Variants in MDGA2 observed in about 807,000 individuals in gnomAD.
MDGA2 encodes the protein MAM domain-containing glycosylphosphatidylinositol anchor protein 2.
In MDGA2, 40 loss-of-function variants were observed where a neutral mutation model predicts 117.8. That is an observed-to-expected ratio of 0.34 (90% CI 0.26 to 0.44). MDGA2 has a LOEUF of 0.44. Among genes scored for constraint, MDGA2 ranks in the 20% least tolerant of loss-of-function variants. MDGA2 has a pLI of 1.00. For missense variants in MDGA2, 1,123 were observed against 1,250.6 expected (o/e 0.90, Z 1.54); for synonymous variants, 452 against 439.0 (o/e 1.03, Z -0.37).
At chr14:47,511,931 G>C (rs1206992790) in intron 1 of MDGA2, among the ~76,000 whole-genome samples, 1 of 151,974 alleles carries the variant, frequency 6.6e-6, no homozygotes, top group Non-Finnish European at 1.5e-5. Context: ...ACAGGGGTTT[G>C]TGTGTGTGTG....
At chr14:47,496,663 T>C (rs573463214) in intron 1 of MDGA2, among the ~76,000 whole-genome samples, 2 of 151,812 alleles carry the variant, frequency 1.3e-5, no homozygotes, top group Admixed American at 1.3e-4. Context: ...GAATTAGAGA[T>C]TAAGTATGCT....
At chr14:47,203,406 GGTGC>G (rs1233953821) in intron 3 of MDGA2, among the ~76,000 whole-genome samples, 1 of 151,760 alleles carries the variant, frequency 6.6e-6, no homozygotes, top group Non-Finnish European at 1.5e-5. Context: ...AGGGATGAAT[GGTGC>G]CAGGAAGACA....
intron 2 of MDGA2, among the ~76,000 whole-genome samples, chr14:47,278,700 G>A (rs1888381853): frequency 6.6e-6 from 1 of 152,068 alleles, no homozygotes; most frequent in African/African-American, 2.4e-5. Context: ...TTTAAGGTAT[G>A]GAATAGATAA....
At chr14:47,371,992 TA>T in intron 1 of MDGA2, among the ~76,000 whole-genome samples, 1 of 151,928 alleles carries the variant, frequency 6.6e-6, no homozygotes, top group Admixed American at 6.6e-5. Context: ...AATTTCATTT[TA>T]TAAAATACTC....
intron 1 of MDGA2, among the ~76,000 whole-genome samples, chr14:47,564,231 T>C (rs751489121): frequency 1.3e-5 from 2 of 152,162 alleles, no homozygotes; most frequent in Non-Finnish European, 2.9e-5. Flanking sequence ...CTATATGTCT[T>C]GGGGATGGTC....
intron 1 of MDGA2, among the ~76,000 whole-genome samples, chr14:47,546,154 G>T (rs1895458655): frequency 6.6e-6 from 1 of 152,032 alleles, no homozygotes; most frequent in South Asian, 2.1e-4. Flanking sequence ...CAGATGGGGA[G>T]AAAAATACTT....
At chr14:47,146,741 A>G (rs1282866688) in intron 3 of MDGA2, among the ~76,000 whole-genome samples, 1 of 152,212 alleles carries the variant, frequency 6.6e-6, no homozygotes, top group Admixed American at 6.5e-5. Flanking sequence ...CTCAGGAACA[A>G]AACAGAATTT....
chr14:47,485,149 G>C (rs1488031260), intron 1 of MDGA2, among the ~76,000 whole-genome samples: 3 of 152,128 alleles, frequency 2.0e-5, no homozygotes, highest in Non-Finnish European at 2.9e-5. Flanking sequence ...CCAGAGACTT[G>C]TTGAATGGCT....
rs901921779 is a variant in MDGA2 at position 47,061,301 on chromosome 14, C to T, written c.1473G>A (p.Lys491=). ...TACTGATATCAGATATTCCTCCTCC[C>T]TTCAGAGATGCTACACATGTGTACG... ...FGTYTCVASL[K]GGGISDISID... The change falls in exon 7 of 17, where the codon AAG becomes AAA. Residue 491 remains lysine (K), a synonymous_variant. Coordinates refer to ENST00000399232, the MANE Select transcript of MDGA2 (RefSeq NM_001113498.3). The T allele has an allele frequency of 5.3e-5, 85 of 1,613,368 alleles. No homozygotes were observed. The highest frequency in any genetic ancestry group is 7.1e-5 in the Non-Finnish European group (84 of 1,179,618).
At chr14:47,211,839 T>A (rs931086927) in intron 3 of MDGA2, among the ~76,000 whole-genome samples, 19 of 152,216 alleles carry the variant, frequency 1.2e-4, no homozygotes, top group Non-Finnish European at 1.9e-4. Flanking sequence ...ATTTTCAGGG[T>A]CATTAGCATA....
chr14:46,910,687 A>G (rs1359568105), intron 10 of MDGA2, among the ~76,000 whole-genome samples: 1 of 152,202 alleles, frequency 6.6e-6, no homozygotes, highest in Non-Finnish European at 1.5e-5. Flanking sequence ...GAAGGAAGTC[A>G]AACTGTCAGA....
At chr14:47,622,027 T>C (rs547946881) in intron 1 of MDGA2, among the ~76,000 whole-genome samples, 54 of 152,336 alleles carry the variant, frequency 3.5e-4, no homozygotes, top group Non-Finnish European at 6.8e-4. Context: ...ACATAGTAAG[T>C]ATTAAATTCA....
chr14:47,060,622 C>A (rs1889848135), intron 7 of MDGA2, among the ~76,000 whole-genome samples: 1 of 152,012 alleles, frequency 6.6e-6, no homozygotes, highest in Non-Finnish European at 1.5e-5. Context: ...AACAGATGTA[C>A]ATTTAATCAA....
Position 47,595,057 on chromosome 14 carries a change from C to T in MDGA2, c.280+79460G>A, listed in dbSNP as rs547355713. 3.9e-5 allele frequency among the ~76,000 whole-genome samples: 6 copies of T among 152,192 alleles called. No homozygotes were observed. The East Asian group carries it at 9.7e-4, about 25-fold the overall frequency. On this transcript the variant is annotated intron_variant, in intron 1 of 16. Coordinates refer to ENST00000399232, the MANE Select transcript of MDGA2 (RefSeq NM_001113498.3). Reference sequence around the variant, plus strand: ...AAACATTTTTTTCACAAATCCCAGACTGATATACACGTGCTTATCTAGAAC... The same window carrying T: ...AAACATTTTTTTCACAAATCCCAGATTGATATACACGTGCTTATCTAGAAC...
At chr14:47,462,818 T>C (rs942341333) in intron 1 of MDGA2, among the ~76,000 whole-genome samples, 1 of 152,252 alleles carries the variant, frequency 6.6e-6, no homozygotes, top group African/African-American at 2.4e-5. Flanking sequence ...TAAATAATTA[T>C]TTGGACTTCT....
chr14:47,664,816 C>T (rs759686646), intron 1 of MDGA2, among the ~76,000 whole-genome samples: 3 of 152,170 alleles, frequency 2.0e-5, no homozygotes, highest in Non-Finnish European at 2.9e-5. Flanking sequence ...AAAATTTAGA[C>T]TTTAAAAAGT....
intron 6 of MDGA2, among the ~76,000 whole-genome samples, chr14:47,062,360 G>C (rs1594580128): frequency 6.6e-6 from 1 of 151,972 alleles, no homozygotes; most frequent in East Asian, 1.9e-4. Flanking sequence ...GAGGTCAGTA[G>C]TAATGACTAC....
intron 1 of MDGA2, among the ~76,000 whole-genome samples, chr14:47,614,981 A>G (rs770243698): frequency 1.3e-5 from 2 of 152,188 alleles, no homozygotes; most frequent in Non-Finnish European, 2.9e-5. Context: ...TTTGGCAGTC[A>G]CAAAGTAGAT....
rs181184749 is a variant in MDGA2, at chr14:46,913,921, A to T, written c.2238+6091T>A. On this transcript the variant is annotated intron_variant, in intron 10 of 16. Coordinates refer to ENST00000399232, the MANE Select transcript of MDGA2 (RefSeq NM_001113498.3). ...TGACTGAATGGGAGAGCAAATAAGT[A>T]TGATAATTCTAAATATTTTAATACA... is the stretch of plus-strand genomic sequence containing the variant. Among the ~76,000 whole-genome samples, 329 of 152,310 alleles carry T rather than the reference A, an allele frequency of 2.2e-3. 2 individuals carry two copies. The highest frequency in any genetic ancestry group is 7.6e-3 in the African/African-American group (317 of 41,582).
Sources: allele counts gnomAD v4.1 joint callset (sites outside exome capture counted in the v4.1 genomes callset), GRCh38; gene constraint gnomAD v4.1.1; transcripts MANE v1.5; gene names NCBI Gene and HGNC (gene_info 2026-07-23, HGNC 2026-07-21).